The following PCDHAC2 variants were observed in gnomAD, a reference collection of about 807,000 sequenced individuals.
PCDHAC2 encodes protocadherin alpha subfamily C, 2.
PCDHAC2 carries 24 observed loss-of-function variants against 63.3 expected under a neutral mutation model. The observed-to-expected ratio is 0.38, with a 90% CI of 0.27 to 0.53. PCDHAC2 has a LOEUF of 0.53. Ranked by LOEUF, PCDHAC2 falls within the 20% of genes least tolerant of loss-of-function variation. The pLI is 0.81. For missense variants in PCDHAC2, 1,181 were observed against 1,275.2 expected (o/e 0.93, Z 1.12); for synonymous variants, 569 against 529.4 (o/e 1.07, Z -1.03).
intron 1 of PCDHAC2, among the ~76,000 whole-genome samples, chr5:140,976,886 AC>A (rs2096735847): frequency 6.6e-6 from 1 of 152,232 alleles, no homozygotes; most frequent in African/African-American, 2.4e-5. Flanking sequence ...GAATTAGGAT[AC>A]ATGCAACAGT....
At chr5:140,971,845 G>C (rs370364575) in intron 1 of PCDHAC2, among the ~76,000 whole-genome samples, 1 of 151,934 alleles carries the variant, frequency 6.6e-6, no homozygotes, top group Non-Finnish European at 1.5e-5. Flanking sequence ...CAAGTCATGC[G>C]TTAAATATTT....
Position 140,999,346 on chromosome 5 carries a change from T to C in PCDHAC2, c.2714-10281T>C, listed in dbSNP as rs115221132. ...ATCTGTGTGATTTATAAGCCTTGTC[T>C]CTTTTTAATGTTCACAATCCCATTA... On this transcript the variant is annotated intron_variant, in intron 3 of 3. Transcript: ENST00000289269. Among the ~76,000 whole-genome samples the C allele has an allele frequency of 2.6e-3, 399 of 152,360 alleles. 2 individuals are homozygous for C. In the Middle Eastern group the frequency reaches 0.041, roughly 16 times the overall value.
Position 141,010,990 on chromosome 5 carries a change from A to G in PCDHAC2, c.*1053A>G, listed in dbSNP as rs1399914066. The stretch of plus-strand genomic sequence containing the variant: ...GTGCTTTAAGAGAATTGCCTGAAAC[A>G]TCTGTATTATATCGGCCACCTGCCA... On this transcript the variant is annotated 3_prime_UTR_variant, in exon 4 of 4. Transcript: ENST00000289269. The G allele has an allele frequency of 6.5e-6, 1 of 153,770 alleles. No individual in the cohort carries two copies. Among genetic ancestry groups the G allele is most frequent in the Non-Finnish European group, 1.5e-5 (1 of 68,054 alleles). 9.5% of individuals were successfully genotyped at this position (153,770 alleles called of 1,614,324 possible). A position where few individuals can be genotyped will look rare whatever the true frequency, so the allele number is the denominator to read the frequency against.
intron 1 of PCDHAC2, among the ~76,000 whole-genome samples, chr5:140,974,864 C>T (rs949061887): frequency 6.6e-6 from 1 of 152,124 alleles, no homozygotes; most frequent in Non-Finnish European, 1.5e-5. Flanking sequence ...TGCCTTAATG[C>T]GGAACAGTCT....
In PCDHAC2 at chr5:140,978,698, A is replaced by C. The variant is rs150194035; in HGVS notation, c.2566-251A>C. 1.4e-3 allele frequency among the ~76,000 whole-genome samples: 215 copies of C among 152,372 alleles called. 5 individuals carry two copies. In the South Asian group the frequency reaches 0.033, roughly 23 times the overall value. ...ACATGTATTGGGCAAGGCAAAGCCA[A>C]AGGTGGCCTTTACAAGATTATTAAA... is the stretch of plus-strand genomic sequence containing the variant. On this transcript the variant is annotated intron_variant, in intron 1 of 3. Transcript: ENST00000289269.
In PCDHAC2 at chr5:140,968,574, T is replaced by A. The variant is rs2096256536; in HGVS notation, c.1808T>A (p.Leu603Gln). 6.2e-7 allele frequency: 1 copy of A among 1,614,218 alleles called. No homozygotes were observed. Among genetic ancestry groups the A allele is most frequent in the Non-Finnish European group, 8.5e-7 (1 of 1,180,044 alleles). ...CCTCGAACTGCCCCTGCTGGCTACC[T>A]GGTCACCAAAGTCATAGCTATGGAC... ...MVPRTAPAGY[L>Q]VTKVIAMDSD... The change falls in exon 1 of 4, where the codon CTG becomes CAG. Residue 603 changes from leucine (L) to glutamine (Q), a missense_variant. Leu to Gln is a moderately radical substitution (Grantham distance 113). Transcript: ENST00000289269.
At chr5:140,998,769 G>A (rs1210690974) in intron 3 of PCDHAC2, among the ~76,000 whole-genome samples, 1 of 152,054 alleles carries the variant, frequency 6.6e-6, no homozygotes, top group Non-Finnish European at 1.5e-5. Flanking sequence ...TCACTATGTT[G>A]GTCAGGCTGG....
In PCDHAC2 at chr5:140,968,966, T is replaced by C. The variant is rs781901506; in HGVS notation, c.2200T>C (p.Tyr734His). The C allele has an allele frequency of 6.2e-7, 1 of 1,614,216 alleles. No homozygotes were observed. The highest frequency in any genetic ancestry group is 2.2e-5 in the East Asian group (1 of 44,884). ...TTTGAGCATCATCAAGTGCTACCGC[T>C]ACACTGCGTATGGCACTGCATGCTG... Reference protein sequence around the residue: ...IILSIIKCYRYTAYGTACCGG... With the variant: ...IILSIIKCYRHTAYGTACCGG... The change falls in exon 1 of 4, where the codon TAC becomes CAC. Residue 734 changes from tyrosine to histidine, a missense_variant. Transcript: ENST00000289269.
At chr5:140,972,691 G>A (rs1213069719) in intron 1 of PCDHAC2, among the ~76,000 whole-genome samples, 3 of 137,348 alleles carry the variant, frequency 2.2e-5, no homozygotes, top group Admixed American at 1.5e-4. Flanking sequence ...TTGAGATGGA[G>A]TCTCACTCTG....
At chr5:140,998,853 T>G (rs575455675) in intron 3 of PCDHAC2, among the ~76,000 whole-genome samples, 1 of 152,346 alleles carries the variant, frequency 6.6e-6, no homozygotes, top group South Asian at 2.1e-4. Flanking sequence ...GTGAGCCACA[T>G]GCCTGGCCTT....
At chr5:140,987,444 C>G (rs2097254283) in intron 3 of PCDHAC2, among the ~76,000 whole-genome samples, 1 of 151,998 alleles carries the variant, frequency 6.6e-6, no homozygotes, top group African/African-American at 2.4e-5. Flanking sequence ...TCCCCATGCC[C>G]GAGAGATAAT....
chr5:140,970,427 GGTGTTA>G (rs1442614278), intron 1 of PCDHAC2, among the ~76,000 whole-genome samples: 6 of 152,192 alleles, frequency 3.9e-5, no homozygotes, highest in Admixed American at 3.3e-4. Context: ...TGTAGAGGCA[GGTGTTA>G]GTATATGCAC....
At position 141,009,699 on chromosome 5, in the gene PCDHAC2, G is replaced by A. The variant is rs1554262287; in HGVS notation, c.2786G>A (p.Gly929Glu). Residue 929 changes from glycine to glutamate, a missense_variant, in exon 4 of 4, where the codon GGA becomes GAA. Gly to Glu is a moderately conservative substitution (Grantham distance 98, BLOSUM62 -2). Transcript: ENST00000289269. ...AGCAACAGCTGGACCTTTAAATACG[G>A]ACCAGGCAACCCCAAACAATCCGGT... Reference protein sequence around the residue: ...VNSNSWTFKYGPGNPKQSGPG... With the variant: ...VNSNSWTFKYEPGNPKQSGPG... 1 of 1,614,030 alleles carries A rather than the reference G, an allele frequency of 6.2e-7. No individual in the cohort carries two copies. The highest frequency in any genetic ancestry group is 8.5e-7 in the Non-Finnish European group (1 of 1,180,010).
In PCDHAC2 at chr5:141,011,694, G is replaced by A. The variant is rs1473857552; in HGVS notation, c.*1757G>A. 1.3e-5 allele frequency: 2 copies of A among 153,662 alleles called. No individual in the cohort carries two copies. Among genetic ancestry groups the A allele is most frequent in the African/African-American group, 4.8e-5 (2 of 41,412 alleles). The allele number at this position is 153,662 out of a possible 1,614,324, so 9.5% of individuals were successfully genotyped here. On this transcript the variant is annotated 3_prime_UTR_variant, in exon 4 of 4. Coordinates refer to ENST00000289269, the MANE Select transcript of PCDHAC2 (RefSeq NM_018899.6). The stretch of plus-strand genomic sequence containing the variant: ...CTGTTTTGTTCTAGTAACAATTTTG[G>A]AATGAATACTGACAATATTCCATGA...
intron 2 of PCDHAC2, 91 bp downstream of exon 2, chr5:140,979,098 A>C: frequency 1.3e-6 from 2 of 1,547,480 alleles, no homozygotes; most frequent in East Asian, 2.3e-5. Flanking sequence ...AGCAGCTGTC[A>C]AAACTAAAAA....
intron 1 of PCDHAC2, among the ~76,000 whole-genome samples, chr5:140,971,716 A>G (rs1554233565): frequency 1.3e-5 from 2 of 152,026 alleles, no homozygotes; most frequent in African/African-American, 4.8e-5. Context: ...ATATAGATAT[A>G]TGTATATCAT....
At position 140,969,038 on chromosome 5, in the gene PCDHAC2, A is replaced by G; in HGVS notation, c.2272A>G (p.Lys758Glu). 6.2e-7 allele frequency: 1 copy of G among 1,614,148 alleles called. No individual in the cohort carries two copies. The highest frequency in any genetic ancestry group is 1.1e-5 in the South Asian group (1 of 91,082). ...VRERSPAELY[K>E]QANNNIDARI... ...GGAAAGGTCCCCTGCAGAACTGTAC[A>G]AACAAGCCAACAACAATATTGATGC... The change falls in exon 1 of 4, where the codon AAA becomes GAA. Residue 758 changes from lysine (K) to glutamate (E), a missense_variant. Around this residue, in one of 3 missense-constraint regions of PCDHAC2, gnomAD observed 968 missense variants for 1,073.5 expected, o/e 0.90. Coordinates refer to ENST00000289269, the MANE Select transcript of PCDHAC2 (RefSeq NM_018899.6).
Position 141,011,309 on chromosome 5 carries a change from A to G in PCDHAC2, c.*1372A>G, listed in dbSNP as rs374038361. On this transcript the variant is annotated 3_prime_UTR_variant, in exon 4 of 4. Coordinates refer to ENST00000289269, the MANE Select transcript of PCDHAC2 (RefSeq NM_018899.6). ...CTTTTCTATAACACTCTGAATTGCTAATCTTACTAACACCTATGATGTTAC... is the reference window on the plus strand; with the variant it reads ...CTTTTCTATAACACTCTGAATTGCTGATCTTACTAACACCTATGATGTTAC... 9.8e-5 allele frequency: 15 copies of G among 153,742 alleles called. No homozygotes were observed. The highest frequency in any genetic ancestry group is 1.9e-4 in the Non-Finnish European group (13 of 68,036). 9.5% of individuals were successfully genotyped at this position (153,742 alleles called of 1,614,324 possible). A position where few individuals can be genotyped will look rare whatever the true frequency, so the allele number is the denominator to read the frequency against.
At chr5:140,969,556 C>A in intron 1 of PCDHAC2, 1 of 1,210,690 alleles carries the variant, frequency 8.3e-7, no homozygotes, top group Non-Finnish European at 1.1e-6. Flanking sequence ...AAGCCTTGTC[C>A]ATAAAATTGT....
Sources: allele counts gnomAD v4.1 joint callset (sites outside exome capture counted in the v4.1 genomes callset), GRCh38; gene constraint gnomAD v4.1.1; regional missense constraint gnomAD v4.1.1; transcripts MANE v1.5; gene names NCBI Gene and HGNC (gene_info 2026-07-23, HGNC 2026-07-21).